Variants in CCDC88B observed in about 807,000 individuals in gnomAD.
CCDC88B encodes the protein coiled-coil domain-containing protein 88B.
A neutral mutation model predicts 183.7 loss-of-function variants in CCDC88B; 138 were observed. That is an observed-to-expected ratio of 0.75 (90% CI 0.65 to 0.87). CCDC88B has a LOEUF of 0.87. Among genes scored for constraint, CCDC88B ranks in the 40% least tolerant of loss-of-function variants. CCDC88B has a pLI of 0.00. For synonymous variants in CCDC88B, 835 were observed against 867.5 expected, an observed-to-expected ratio of 0.96 and a Z score of 0.66; for missense variants, 1,822 against 1,965.6, an observed-to-expected ratio of 0.93 and a Z score of 1.38.
chr11:64,352,063 C>T lies in CCDC88B; in HGVS notation c.3100-67C>T, dbSNP rs201081167. ...GCCCTACCGTCTGCCCTTAGCCCCC[C>T]GCCTCTCACTCGATTTCCAGCCAGG... is the stretch of plus-strand genomic sequence containing the variant. On this transcript the variant is annotated intron_variant, in intron 18 of 26. Transcript: ENST00000356786. 9.8e-5 allele frequency: 149 copies of T among 1,512,908 alleles called. 2 individuals carry two copies. The highest frequency in any genetic ancestry group is 7.9e-4 in the South Asian group (60 of 75,492). 93.7% of individuals were successfully genotyped at this position (1,512,908 alleles called of 1,614,324 possible).
intron 26 of CCDC88B, 36 bp downstream of exon 26, chr11:64,355,664 G>C: frequency 6.4e-7 from 1 of 1,553,596 alleles, no homozygotes; most frequent in Non-Finnish European, 8.7e-7. Context: ...AGTATTCTTT[G>C]TCCTGCCTGG....
intron 19 of CCDC88B, 75 bp downstream of exon 19, chr11:64,352,461 G>C: frequency 3.4e-6 from 5 of 1,461,746 alleles, no homozygotes. Flanking sequence ...CAGCAGGTCT[G>C]ACTCCCCATC....
chr11:64,344,197 T>C lies in CCDC88B; in HGVS notation c.1656T>C (p.Asp552=). ...CAGCTGAGTGTCCCCAGGCACCTGA[T>C]TCAGACCCACAGGAGGCAGAGAGTC... ...EASAECPQAP[D]SDPQEAESPL... The change falls in exon 14 of 27, where the codon GAT becomes GAC. Residue 552 remains aspartate, a synonymous_variant. Transcript: ENST00000356786. The surrounding 1 kb of genome is among the most constrained non-coding windows in gnomAD (Gnocchi z 4.5). 6.2e-7 allele frequency: 1 copy of C among 1,611,764 alleles called. No homozygotes were observed. The highest frequency in any genetic ancestry group is 2.2e-5 in the East Asian group (1 of 44,844).
chr11:64,349,735 A>T, intron 16 of CCDC88B, 67 bp downstream of exon 16: 1 of 1,392,834 alleles, frequency 7.2e-7, no homozygotes, highest in Non-Finnish European at 1.0e-6. Context: ...AGCAGATGCC[A>T]GGGTCATCTG....
In CCDC88B at chr11:64,345,064, C is replaced by T. The variant is rs546656504; in HGVS notation, c.2523C>T (p.Ala841=). 3.7e-5 allele frequency: 57 copies of T among 1,549,792 alleles called. No homozygotes were observed. Among genetic ancestry groups the T allele is most frequent in the Non-Finnish European group, 4.9e-5 (56 of 1,149,974 alleles). The change falls in exon 14 of 27, where the codon GCC becomes GCT. Residue 841 remains alanine (A), a synonymous_variant. Transcript: ENST00000356786. ...CCAGGCTGCGGGCCCAGTCGGAGGC[C>T]GCCGAGGAACGGATGCAGGTGCTGG... is the stretch of plus-strand genomic sequence containing the variant. ...EGSRLRAQSE[A]AEERMQVLES...
At chr11:64,349,857 G>A in intron 16 of CCDC88B, 189 bp downstream of exon 16, 1 of 614,218 alleles carries the variant, frequency 1.6e-6, no homozygotes, top group Non-Finnish European at 2.9e-6. Context: ...TGACTTATCT[G>A]GGGTCTCATT....
At position 64,349,665 on chromosome 11, in the gene CCDC88B, C is replaced by A; in HGVS notation, c.2859C>A (p.Phe953Leu). 6.3e-7 allele frequency: 1 copy of A among 1,588,546 alleles called. No individual in the cohort carries two copies. The highest frequency in any genetic ancestry group is 8.6e-7 in the Non-Finnish European group (1 of 1,167,856). The change falls in exon 16 of 27, where the codon TTC becomes TTA. Residue 953 changes from phenylalanine (F) to leucine (L), a missense_variant. Physicochemically the swap from Phe to Leu is conservative, Grantham distance 22. Transcript: ENST00000356786. ...CCCTGCAGCTGGAAGAGGAGCTGTT[C>A]CAGGTGATGCCTGCCCGCCTGGGAG... ...TRALQLEEEL[F>L]QLRQGPAGLG...
In CCDC88B at chr11:64,340,609, G is replaced by C; in HGVS notation, c.63G>C (p.Ala21=). The part of the protein sequence containing the change: ...DFLSGSLATW[A]LGLAGLVGEA... ...TGACCCCTCTGGGCTCCTCACAGGC[G>C]CTGGGACTGGCCGGGCTGGTCGGGG... The change falls in exon 2 of 27, where the codon GCG becomes GCC. Residue 21 remains alanine, a splice_region_variant and synonymous_variant. Transcript: ENST00000356786. 6.2e-7 allele frequency: 1 copy of C among 1,608,018 alleles called. No individual in the cohort carries two copies. The highest frequency in any genetic ancestry group is 1.1e-5 in the South Asian group (1 of 90,868).
At chr11:64,354,406 C>T (rs1329655427) in intron 24 of CCDC88B, among the ~76,000 whole-genome samples, 2 of 152,094 alleles carry the variant, frequency 1.3e-5, no homozygotes, top group African/African-American at 2.4e-5. Flanking sequence ...CCATCCGCAG[C>T]GGAGCCCAGG....
chr11:64,352,708 G>T (rs754324961), intron 19 of CCDC88B, 36 bp from the exon 20 acceptor site: 1 of 1,612,792 alleles, frequency 6.2e-7, no homozygotes, highest in South Asian at 1.1e-5. Flanking sequence ...GTGGCCATAG[G>T]TTCACACAGC....
chr11:64,345,517 T>A (rs2036074276), intron 14 of CCDC88B, among the ~76,000 whole-genome samples: 1 of 152,180 alleles, frequency 6.6e-6, no homozygotes, highest in South Asian at 2.1e-4. Flanking sequence ...TGTAAAGGTC[T>A]GGTTCATGCT....
rs2036371531 is a variant in CCDC88B at position 64,352,382 on chromosome 11, G to A, written c.3352G>A (p.Gly1118Ser). 1.3e-6 allele frequency: 2 copies of A among 1,532,114 alleles called. No individual in the cohort carries two copies. Among genetic ancestry groups the A allele is most frequent in the Non-Finnish European group, 1.8e-6 (2 of 1,139,572 alleles). 94.9% of individuals were successfully genotyped at this position (1,532,114 alleles called of 1,614,324 possible). A position where few individuals can be genotyped will look rare whatever the true frequency, so the allele number is the denominator to read the frequency against. The change falls in exon 19 of 27, where the codon GGC (glycine) becomes AGC (serine). Residue 1118 changes from glycine to serine, a missense_variant. Transcript: ENST00000356786. ...ALELAHRELQ[G>S]RHEQLQAQRA... ...GGAGCTGGCCCACCGGGAGCTGCAGGGCCGGTGAGCATCACCAAATGCCCA... is the reference window on the plus strand; with the variant it reads ...GGAGCTGGCCCACCGGGAGCTGCAGAGCCGGTGAGCATCACCAAATGCCCA...
At chr11:64,348,432 GCTGGGCGGGAGGTT>G (rs1362513230) in intron 14 of CCDC88B, among the ~76,000 whole-genome samples, 2 of 152,016 alleles carry the variant, frequency 1.3e-5, no homozygotes, top group African/African-American at 4.8e-5. Flanking sequence ...CAGGGCAGGG[GCTGGGCGGGAGGTT>G]CTATTCACCG....
chr11:64,342,617 G>A lies in CCDC88B; in HGVS notation c.999G>A (p.Gln333=). The change falls in exon 10 of 27, where the codon CAG becomes CAA. Residue 333 remains glutamine (Q), a synonymous_variant. Transcript: ENST00000356786. ...GGGCCGGCCGCCTGCCCCGCCTGCA[G>A]GAGGAGCTGAGGCGCTGCCGCGAGC... is the stretch of plus-strand genomic sequence containing the variant. The part of the protein sequence containing the change: ...RERAGRLPRL[Q]EELRRCRERL... 6.5e-7 allele frequency: 1 copy of A among 1,530,730 alleles called. No individual in the cohort carries two copies. The allele number at this position is 1,530,730 out of a possible 1,614,324, so 94.8% of individuals were successfully genotyped here.
Position 64,343,916 on chromosome 11 carries a change from T to C in CCDC88B, c.1455+2T>C. 1 of 1,597,842 alleles carries C rather than the reference T, an allele frequency of 6.3e-7. No individual in the cohort carries two copies. Among genetic ancestry groups the C allele is most frequent in the Non-Finnish European group, 8.5e-7 (1 of 1,171,970 alleles). On this transcript the variant is annotated splice_donor_variant, in intron 13 of 26. Transcript: ENST00000356786. LOFTEE classifies it high-confidence loss of function. ...CTTCAGGGGCAGCCAGGGGGCCAGGTAAGTCCCCTCCCCCAGGGTCCTGGC... is the reference window on the plus strand; with the variant it reads ...CTTCAGGGGCAGCCAGGGGGCCAGGCAAGTCCCCTCCCCCAGGGTCCTGGC...
chr11:64,355,588 T>A lies in CCDC88B; in HGVS notation c.4335T>A (p.Ala1445=), dbSNP rs754681349. The A allele has an allele frequency of 1.2e-6, 2 of 1,612,782 alleles. No homozygotes were observed. Among genetic ancestry groups the A allele is most frequent in the Non-Finnish European group, 1.7e-6 (2 of 1,179,642 alleles). ...KGPGVGWENS[A]ETLQEHETDA... ...CTGGTGTGGGATGGGAGAACTCCGC[T>A]GAGACCCTGCAGGAACACGAAACAG... is the stretch of plus-strand genomic sequence containing the variant. The change falls in exon 26 of 27, where the codon GCT becomes GCA. Residue 1445 remains alanine, a synonymous_variant. Coordinates refer to ENST00000356786, the MANE Select transcript of CCDC88B (RefSeq NM_032251.6).
intron 26 of CCDC88B, chr11:64,356,600 T>C (rs1444091660): frequency 5.4e-6 from 1 of 185,352 alleles, no homozygotes; most frequent in Non-Finnish European, 1.1e-5. Flanking sequence ...CAAAAAAACA[T>C]AGTAGGTCTT....
At position 64,343,819 on chromosome 11, in the gene CCDC88B, AG is replaced by A; in HGVS notation, c.1363del (p.Glu455ArgfsTer83). 6.3e-7 allele frequency: 1 copy of A among 1,593,710 alleles called. No individual in the cohort carries two copies. On this transcript the variant is annotated frameshift_variant, in exon 13 of 27. Coordinates refer to ENST00000356786, the MANE Select transcript of CCDC88B (RefSeq NM_032251.6). LOFTEE classifies it high-confidence loss of function. The part of the protein sequence containing the change: ...GAAPSLQDEV[R>X]EAEAGRLRTL... ...GGCCCCCTCGCTGCAAGATGAGGTG[AG>A]GGAGGCAGAGGCTGGGCGGCTTCGG... is the stretch of plus-strand genomic sequence containing the variant.
rs1299202654 is a variant in CCDC88B at position 64,343,281 on chromosome 11, C to A, written c.1165C>A (p.Arg389Ser). The A allele has an allele frequency of 5.2e-6, 8 of 1,549,854 alleles. No homozygotes were observed. Among genetic ancestry groups the A allele is most frequent in the Middle Eastern group, 1.7e-4 (1 of 5,988 alleles). ...ERCARLHETQ[R>S]ENLLLRTRLG... ...CTGCGCCCGGCTGCACGAGACCCAG[C>A]GCGAGAACCTGCTGCTGCGAACCCG... Residue 389 changes from arginine to serine, a missense_variant, in exon 11 of 27, where the codon CGC becomes AGC. By Grantham distance (110) the Arg-to-Ser change is moderately radical (BLOSUM62 -1). Coordinates refer to ENST00000356786, the MANE Select transcript of CCDC88B (RefSeq NM_032251.6).
Sources: gnomAD v4.1 joint callset for allele counts (sites outside exome capture counted in the v4.1 genomes callset) on GRCh38, gnomAD v4.1.1 for gene constraint, Gnocchi (gnomAD v3.1) non-coding constraint, MANE v1.5 for transcripts, NCBI Gene and HGNC (gene_info 2026-07-23, HGNC 2026-07-21) for gene names.